Variants in ZCCHC7 observed in about 807,000 individuals in gnomAD.
The protein encoded by ZCCHC7 is zinc finger CCHC-type containing 7, also known as zinc finger CCHC domain-containing protein 7.
In ZCCHC7, 35 loss-of-function variants were observed where a neutral mutation model predicts 52.0. The ratio of observed to expected loss-of-function variants is 0.67; its 90% CI spans 0.51 to 0.89. ZCCHC7 has a LOEUF of 0.89. ZCCHC7 is among the 40% of genes least tolerant of loss of function. The pLI is 0.00. For missense variants in ZCCHC7, 574 were observed against 649.1 expected, an observed-to-expected ratio of 0.88 and a Z score of 1.26; for synonymous variants, 217 against 221.5, an observed-to-expected ratio of 0.98 and a Z score of 0.18.
chr9:37,223,052 T>C (rs1278167588), intron 2 of ZCCHC7, among the ~76,000 whole-genome samples: 1 of 152,220 alleles, frequency 6.6e-6, no homozygotes, highest in African/African-American at 2.4e-5. Context: ...TTTTAGTGAC[T>C]TTCTTGCTGA....
intron 2 of ZCCHC7, among the ~76,000 whole-genome samples, chr9:37,199,039 C>G (rs918552762): frequency 2.7e-4 from 41 of 152,256 alleles, no homozygotes; most frequent in African/African-American, 8.9e-4. Context: ...CTATTGCTTC[C>G]TATTTTTGAC....
intron 2 of ZCCHC7, among the ~76,000 whole-genome samples, chr9:37,145,848 T>A (rs993212081): frequency 6.6e-6 from 1 of 151,962 alleles, no homozygotes; most frequent in African/African-American, 2.4e-5. Flanking sequence ...TTGGAGATGC[T>A]GATCTGTTAA....
intron 2 of ZCCHC7, among the ~76,000 whole-genome samples, chr9:37,167,527 G>A (rs1226015331): frequency 1.3e-5 from 2 of 151,856 alleles, no homozygotes; most frequent in Admixed American, 1.3e-4. Flanking sequence ...TTCAAGTCTG[G>A]GTTAGTATTA....
chr9:37,149,331 T>C (rs1843582641), intron 2 of ZCCHC7, among the ~76,000 whole-genome samples: 1 of 152,146 alleles, frequency 6.6e-6, no homozygotes, highest in South Asian at 2.1e-4. Context: ...TCACGATAGA[T>C]TTAAGAATAT....
chr9:37,211,200 T>C (rs989441890), intron 2 of ZCCHC7, among the ~76,000 whole-genome samples: 2 of 152,242 alleles, frequency 1.3e-5, no homozygotes, highest in African/African-American at 4.8e-5. Context: ...CCTTATGACA[T>C]TGTATGAACG....
At chr9:37,164,062 TTAGA>T (rs1428306993) in intron 2 of ZCCHC7, among the ~76,000 whole-genome samples, 6 of 152,196 alleles carry the variant, frequency 3.9e-5, no homozygotes, top group Admixed American at 6.5e-5. Flanking sequence ...AGTATTGAAG[TTAGA>T]TAGTGTTAAT....
chr9:37,178,329 C>G (rs1042762363), intron 2 of ZCCHC7, among the ~76,000 whole-genome samples: 1 of 151,370 alleles, frequency 6.6e-6, no homozygotes, highest in African/African-American at 2.4e-5. Flanking sequence ...TAAAACACAT[C>G]CCAGCGTCAC....
At chr9:37,131,208 C>T (rs573748205) in intron 2 of ZCCHC7, among the ~76,000 whole-genome samples, 50 of 151,118 alleles carry the variant, frequency 3.3e-4, no homozygotes, top group Admixed American at 2.7e-3. Flanking sequence ...GGTGTGGTGG[C>T]GGACGCCTGT....
intron 2 of ZCCHC7, among the ~76,000 whole-genome samples, chr9:37,133,376 CTTTTTTT>C (rs778044762): frequency 7.4e-6 from 1 of 134,556 alleles, no homozygotes; most frequent in African/African-American, 2.7e-5. Context: ...GGAATATTTT[CTTTTTTT>C]TTTTTTTTTG....
chr9:37,225,571 T>C (rs1825054326), intron 2 of ZCCHC7, among the ~76,000 whole-genome samples: 1 of 152,166 alleles, frequency 6.6e-6, no homozygotes, highest in African/African-American at 2.4e-5. Flanking sequence ...TTATGTAATA[T>C]ATTAAAAGAT....
intron 6 of ZCCHC7, among the ~76,000 whole-genome samples, chr9:37,344,891 A>G (rs1159735157): frequency 6.6e-6 from 1 of 152,086 alleles, no homozygotes; most frequent in South Asian, 2.1e-4. Flanking sequence ...GCATGCATAC[A>G]CTCATGCCAT....
At chr9:37,120,213 C>T (rs561489745), upstream of ZCCHC7, among the ~76,000 whole-genome samples, 3 of 152,286 alleles carry the variant, frequency 2.0e-5, no homozygotes, top group African/African-American at 7.2e-5. Context: ...CCGGCCTCAA[C>T]CTCGCCCGTG....
At chr9:37,262,426 G>T (rs1403593255) in intron 2 of ZCCHC7, among the ~76,000 whole-genome samples, 2 of 152,080 alleles carry the variant, frequency 1.3e-5, no homozygotes, top group Non-Finnish European at 2.9e-5. Context: ...TTTCTTACTA[G>T]TTACTTGTTG....
intron 5 of ZCCHC7, among the ~76,000 whole-genome samples, chr9:37,312,373 C>T (rs1467180490): frequency 6.6e-6 from 1 of 152,146 alleles, no homozygotes; most frequent in Non-Finnish European, 1.5e-5. Context: ...ATGAATAAAA[C>T]ATGATCCCTG....
chr9:37,176,213 T>G (rs1227935034), intron 2 of ZCCHC7, among the ~76,000 whole-genome samples: 1 of 152,158 alleles, frequency 6.6e-6, no homozygotes, highest in Non-Finnish European at 1.5e-5. Flanking sequence ...TAGCTGGGAC[T>G]ACAGGCGCCT....
At chr9:37,292,892 C>G (rs1273779513) in intron 2 of ZCCHC7, among the ~76,000 whole-genome samples, 2 of 151,976 alleles carry the variant, frequency 1.3e-5, no homozygotes, top group Non-Finnish European at 2.9e-5. Context: ...TCTTAGATCT[C>G]AGGTGATGAA....
chr9:37,275,111 C>G (rs924623342), intron 2 of ZCCHC7, among the ~76,000 whole-genome samples: 1 of 152,168 alleles, frequency 6.6e-6, no homozygotes, highest in East Asian at 1.9e-4. Context: ...AGTTACATAG[C>G]AACAATTCAT....
chr9:37,241,678 T>C (rs1825879030), intron 2 of ZCCHC7, among the ~76,000 whole-genome samples: 1 of 151,820 alleles, frequency 6.6e-6, no homozygotes, highest in Non-Finnish European at 1.5e-5. Context: ...TGTTTTTCTC[T>C]AGATAACACA....
At chr9:37,324,857 C>T (rs1830178219) in intron 5 of ZCCHC7, among the ~76,000 whole-genome samples, 1 of 152,172 alleles carries the variant, frequency 6.6e-6, no homozygotes, top group African/African-American at 2.4e-5. Context: ...AATATGAGAA[C>T]TGGTGGCAAG....
Sources: gnomAD v4.1 joint callset for allele counts (sites outside exome capture counted in the v4.1 genomes callset) on GRCh38, gnomAD v4.1.1 for gene constraint, MANE v1.5 for transcripts, NCBI Gene and HGNC (gene_info 2026-07-23, HGNC 2026-07-21) for gene names.